MEGF10: variants seen among roughly 807,000 people sequenced by gnomAD.
MEGF10 encodes the protein multiple epidermal growth factor-like domains protein 10.
In MEGF10, 86 loss-of-function variants were observed where a neutral mutation model predicts 147.5. That is an observed-to-expected ratio of 0.58 (90% CI 0.49 to 0.70). MEGF10 has a LOEUF of 0.70. MEGF10 is among the 30% of genes least tolerant of loss of function. MEGF10 has a pLI of 0.00. For synonymous variants in MEGF10, 478 were observed against 525.5 expected (o/e 0.91, Z 1.24); for missense variants, 1,329 against 1,487.3 (o/e 0.89, Z 1.75).
intron 2 of MEGF10, among the ~76,000 whole-genome samples, chr5:127,336,856 G>T (rs748451591): frequency 1.8e-4 from 27 of 150,880 alleles, no homozygotes; most frequent in Admixed American, 3.3e-4. Flanking sequence ...GCTCTATTTT[G>T]CTCATAGGTG....
chr5:127,402,200 A>T (rs1764158485), intron 7 of MEGF10, among the ~76,000 whole-genome samples: 1 of 152,240 alleles, frequency 6.6e-6, no homozygotes, highest in South Asian at 2.1e-4. Flanking sequence ...GTAAGACACA[A>T]GGAAGAACAC....
chr5:127,385,095 A>G (rs919737783), intron 5 of MEGF10, among the ~76,000 whole-genome samples: 1 of 152,150 alleles, frequency 6.6e-6, no homozygotes, highest in Non-Finnish European at 1.5e-5. Context: ...CTCTGTAGAG[A>G]TATCTTCTTG....
intron 1 of MEGF10, among the ~76,000 whole-genome samples, chr5:127,309,698 CAT>C (rs1760176707): frequency 6.6e-6 from 1 of 152,152 alleles, no homozygotes; most frequent in Non-Finnish European, 1.5e-5. Context: ...CATTAATGGA[CAT>C]ATGTGTCATT....
chr5:127,449,348 T>C (rs1766071481), intron 22 of MEGF10, 126 bp downstream of exon 22: 1 of 1,281,236 alleles, frequency 7.8e-7, no homozygotes, highest in African/African-American at 1.5e-5. Flanking sequence ...ATAGCAGAAT[T>C]ATGCCTAACA....
intron 5 of MEGF10, among the ~76,000 whole-genome samples, chr5:127,383,541 A>G (rs941074165): frequency 2.0e-5 from 3 of 152,184 alleles, no homozygotes; most frequent in African/African-American, 7.2e-5. Flanking sequence ...AGCAACATGA[A>G]CATTTTATAT....
chr5:127,270,119 T>C, the MEGF10 span, among the ~76,000 whole-genome samples: 1 of 152,200 alleles, frequency 6.6e-6, no homozygotes, highest in Non-Finnish European at 1.5e-5. Context: ...TACCAGCCAC[T>C]GCAAAAACAT....
At chr5:127,424,670 TA>T (rs1486196721) in intron 13 of MEGF10, 3 of 746,220 alleles carry the variant, frequency 4.0e-6, no homozygotes, top group Non-Finnish European at 3.4e-6. Flanking sequence ...CAATGGACTT[TA>T]TTTTCTACCA....
intron 1 of MEGF10, among the ~76,000 whole-genome samples, chr5:127,310,175 G>A (rs1037564781): frequency 2.0e-5 from 3 of 150,554 alleles, no homozygotes; most frequent in Non-Finnish European, 3.0e-5. Context: ...TTAGTGATAC[G>A]GCCTTTTTTA....
intron 1 of MEGF10, among the ~76,000 whole-genome samples, chr5:127,325,996 G>A (rs1761016502): frequency 6.7e-6 from 1 of 149,236 alleles, no homozygotes; most frequent in African/African-American, 2.5e-5. Context: ...CTTGACCTTC[G>A]AGGCTCAAGC....
the MEGF10 span, among the ~76,000 whole-genome samples, chr5:127,242,713 G>A: frequency 1.3e-5 from 2 of 151,898 alleles, no homozygotes; most frequent in Admixed American, 6.6e-5. Flanking sequence ...AAGGTAAAAC[G>A]TTTGAAATGG....
At chr5:127,429,759 G>T (rs562800539) in intron 13 of MEGF10, among the ~76,000 whole-genome samples, 1 of 152,218 alleles carries the variant, frequency 6.6e-6, no homozygotes, top group South Asian at 2.1e-4. Flanking sequence ...TGGGGGTTCT[G>T]CAGGTAAAAG....
the MEGF10 span, among the ~76,000 whole-genome samples, chr5:127,270,005 T>G: frequency 6.6e-6 from 1 of 152,080 alleles, no homozygotes; most frequent in Non-Finnish European, 1.5e-5. Context: ...GAAGGAGAAA[T>G]AAAATCCTTT....
chr5:127,432,682 T>G (rs1207361890), intron 13 of MEGF10, among the ~76,000 whole-genome samples: 6 of 152,250 alleles, frequency 3.9e-5, no homozygotes, highest in African/African-American at 7.2e-5. Flanking sequence ...TTGTCATTTT[T>G]TTTAATTCTA....
chr5:127,319,040 C>T (rs1760684379), intron 1 of MEGF10, among the ~76,000 whole-genome samples: 1 of 143,736 alleles, frequency 7.0e-6, no homozygotes, highest in African/African-American at 2.5e-5. Context: ...TCCCTCCCTC[C>T]CTCCCTTCCT....
chr5:127,432,122 C>T (rs1240140292), intron 13 of MEGF10, among the ~76,000 whole-genome samples: 2 of 152,144 alleles, frequency 1.3e-5, no homozygotes, highest in Non-Finnish European at 2.9e-5. Flanking sequence ...ATTGTTGGGT[C>T]AAGCTAGACA....
intron 4 of MEGF10, among the ~76,000 whole-genome samples, chr5:127,368,856 G>T (rs1250174959): frequency 6.6e-6 from 1 of 151,964 alleles, no homozygotes; most frequent in African/African-American, 2.4e-5. Flanking sequence ...TATATTAAGT[G>T]GAAAAAGCAC....
At chr5:127,454,522 C>T (rs1230173032) in intron 22 of MEGF10, 44 bp from the exon 23 acceptor site, 10 of 1,568,552 alleles carry the variant, frequency 6.4e-6, no homozygotes, top group Non-Finnish European at 7.8e-6. Flanking sequence ...GGTTTTTCTT[C>T]CTTTCAGTTC....
intron 2 of MEGF10, among the ~76,000 whole-genome samples, chr5:127,332,989 A>T (rs189089035): frequency 1.3e-5 from 2 of 152,260 alleles, no homozygotes; most frequent in African/African-American, 2.4e-5. Context: ...GGCAGAGAAG[A>T]CGAGGATTTA....
At chr5:127,397,320 A>G (rs1763957055) in intron 6 of MEGF10, among the ~76,000 whole-genome samples, 1 of 152,216 alleles carries the variant, frequency 6.6e-6, no homozygotes, top group African/African-American at 2.4e-5. Flanking sequence ...TGCTTTGTGA[A>G]TGTGAAGATA....
Sources: allele counts gnomAD v4.1 joint callset (sites outside exome capture counted in the v4.1 genomes callset), GRCh38; gene constraint gnomAD v4.1.1; transcripts MANE v1.5; gene names NCBI Gene and HGNC (gene_info 2026-07-23, HGNC 2026-07-21).